Variants in KRTCAP3 observed in about 807,000 individuals in gnomAD.
KRTCAP3 encodes the protein keratinocyte associated protein 3.
Under a neutral mutation model 20.5 loss-of-function variants are expected in KRTCAP3, and 18 were observed. That is an observed-to-expected ratio of 0.88 (90% CI 0.61 to 1.31). The LOEUF is 1.31. KRTCAP3 is among the 50% of genes most tolerant of loss of function. The pLI is 0.00. For synonymous variants in KRTCAP3, 167 were observed against 133.7 expected, an observed-to-expected ratio of 1.25 and a Z score of -1.72; for missense variants, 347 against 310.4, an observed-to-expected ratio of 1.12 and a Z score of -0.89.
Position 27,443,455 on chromosome 2 carries a change from CT to C in KRTCAP3, c.539del (p.Leu180HisfsTer27). 1.9e-6 allele frequency: 3 copies of C among 1,614,144 alleles called. No homozygotes were observed. The highest frequency in any genetic ancestry group is 2.5e-6 in the Non-Finnish European group (3 of 1,180,010). On this transcript the variant is annotated frameshift_variant, in exon 5 of 7. Coordinates refer to ENST00000288873, the MANE Select transcript of KRTCAP3 (RefSeq NM_173853.4). LOFTEE classifies it high-confidence loss of function. ...GCTCATGTCTGCAGGGGAGGCTGCT[CT>C]ATCTGGTTACTGCTGTGTGGCTGCA... ...SLLMSAGEAA[L>X]SGYCCVAALT...
chr2:27,442,786 G>A (rs1481897303), intron 2 of KRTCAP3, 23 bp downstream of exon 2: 2 of 1,611,152 alleles, frequency 1.2e-6, no homozygotes, highest in Non-Finnish European at 1.7e-6. Context: ...GGCGACCCGG[G>A]CGGGGGCCGG....
downstream of KRTCAP3, among the ~76,000 whole-genome samples, chr2:27,444,849 A>G (rs554311210): frequency 2.0e-5 from 3 of 152,208 alleles, no homozygotes; most frequent in East Asian, 3.9e-4. Context: ...GGTTTTAACC[A>G]TGTTGGCCAG....
rs1477928930 is a variant in KRTCAP3, at chr2:27,444,051, G to A, written c.718G>A (p.Val240Ile). Reference protein sequence around the residue: ...QEIRASQRSWV With the variant: ...QEIRASQRSWI ...AATCCGGGCATCACAGAGAAGTTGG[G>A]TTTAGGACAGGTAATGGGCCTTGAA... The change falls in exon 6 of 7, where the codon GTT becomes ATT. Residue 240 changes from valine (V) to isoleucine (I), a missense_variant. Transcript: ENST00000288873. The A allele has an allele frequency of 6.2e-7, 1 of 1,603,692 alleles. No individual in the cohort carries two copies. The highest frequency in any genetic ancestry group is 1.7e-5 in the Admixed American group (1 of 60,000).
chr2:27,445,174 C>T (rs575981350), downstream of KRTCAP3: 10 of 1,600,778 alleles, frequency 6.2e-6, no homozygotes, highest in South Asian at 1.0e-4. The surrounding 1 kb of genome is among the most constrained non-coding windows in gnomAD (Gnocchi z 4.4). Context: ...GAGGAGCAGC[C>T]TGGGGGGTAG....
downstream of KRTCAP3, chr2:27,444,454 C>T: frequency 6.2e-7 from 1 of 1,613,124 alleles, no homozygotes; most frequent in Non-Finnish European, 8.5e-7. Context: ...AAAGCTGGTG[C>T]TGGGGAGCCC....
At chr2:27,445,368 C>T (rs373098915), downstream of KRTCAP3, 296 of 1,613,002 alleles carry the variant, frequency 1.8e-4, 1 homozygote, top group Non-Finnish European at 2.4e-4. The surrounding 1 kb of genome is among the most constrained non-coding windows in gnomAD (Gnocchi z 4.4). Context: ...GCGCCACGCT[C>T]ATCCCGAGGC....
chr2:27,444,637 AGTGT>A (rs1664865409), downstream of KRTCAP3: 17 of 769,372 alleles, frequency 2.2e-5, no homozygotes, highest in South Asian at 2.5e-4. Flanking sequence ...CCATCTTTCT[AGTGT>A]GTATGTGGGT....
intron 5 of KRTCAP3, 36 bp from the exon 6 acceptor site, chr2:27,443,913 C>T (rs1558345526): frequency 5.2e-6 from 6 of 1,151,152 alleles, no homozygotes; most frequent in Non-Finnish European, 6.6e-6. Flanking sequence ...ACCTATCATT[C>T]AGGGCGAGGG....
rs1371501920 is a variant in KRTCAP3, at chr2:27,443,239, C to A, written c.439C>A (p.Pro147Thr). The change falls in exon 4 of 7, where the codon CCG becomes ACG. Residue 147 changes from proline (P) to threonine (T), a missense_variant. Transcript: ENST00000288873. The stretch of plus-strand genomic sequence containing the variant: ...TCCTCTGGTACCACTGGATGAGGGG[C>A]CGGGACATACTGACTGCCCCTTTGA... ...LDPLVPLDEGPGHTDCPFDPT... is the reference protein window; with the variant it reads ...LDPLVPLDEGTGHTDCPFDPT... 4 of 1,614,188 alleles carry A rather than the reference C, an allele frequency of 2.5e-6. No homozygotes were observed.
At chr2:27,442,464 C>A (rs182899232) in intron 1 of KRTCAP3, 24 bp downstream of exon 1, 1 of 1,564,264 alleles carries the variant, frequency 6.4e-7, no homozygotes, top group Non-Finnish European at 8.7e-7. Context: ...CCTGGCGTCT[C>A]GTCTCCTTAC....
At chr2:27,443,863 G>A in intron 5 of KRTCAP3, 86 bp from the exon 6 acceptor site, 1 of 817,070 alleles carries the variant, frequency 1.2e-6, no homozygotes, top group Non-Finnish European at 2.1e-6. Context: ...GCAACAGAGT[G>A]AGGCTCCGTC....
chr2:27,442,742 C>T lies in KRTCAP3; in HGVS notation c.192C>T (p.Ile64=), dbSNP rs1288980228. The T allele has an allele frequency of 6.2e-7, 1 of 1,604,880 alleles. No homozygotes were observed. The highest frequency in any genetic ancestry group is 8.5e-7 in the Non-Finnish European group (1 of 1,174,226). Residue 64 remains isoleucine (I), a synonymous_variant, in exon 2 of 7, where the codon ATC becomes ATT. Coordinates refer to ENST00000288873, the MANE Select transcript of KRTCAP3 (RefSeq NM_173853.4). ...CGGAGTACACCGTAGCCAATGTCAT[C>T]TCTGTCGGCTCGGGGCTGCTGGTGA... ...VTPEYTVANV[I]SVGSGLLSVS... is the part of the protein sequence containing the mutation.
Position 27,443,151 on chromosome 2 carries a change from GTCAC to G in KRTCAP3, c.357_360del (p.Thr120TrpfsTer86). The G allele has an allele frequency of 5.6e-6, 9 of 1,614,130 alleles. No individual in the cohort carries two copies. Among genetic ancestry groups the G allele is most frequent in the Non-Finnish European group, 7.6e-6 (9 of 1,180,030 alleles). ...GCTCCCTGGGCCTCCTTCTTGCTGT[GTCAC>G]TCACTGTGGCCAACGGTGGCCGCCG... On this transcript the variant is annotated frameshift_variant, in exon 4 of 7. Transcript: ENST00000288873. LOFTEE classifies it high-confidence loss of function.
downstream of KRTCAP3, chr2:27,445,028 G>A: frequency 6.2e-7 from 1 of 1,613,894 alleles, no homozygotes; most frequent in Non-Finnish European, 8.5e-7. This position sits in a 1 kb window ranked among gnomAD's most constrained non-coding sequence, Gnocchi z 4.4. Context: ...ATGGCCATAA[G>A]GAATTTATTC....
chr2:27,442,518 G>A, intron 1 of KRTCAP3, 61 bp from the exon 2 acceptor site: 2 of 1,522,834 alleles, frequency 1.3e-6, no homozygotes, highest in South Asian at 1.3e-5. Context: ...CGGTTAACCC[G>A]CCGCGAGCCG....
rs769525669 is a variant in KRTCAP3 at position 27,442,397 on chromosome 2, TGGCGCGGCGGACG to T, written c.-13_-1del. ...GGCCCAGGTACAGCGGCCCTGCGGC[TGGCGCGGCGGACG>T]GGATGAGGCGCTGCAGTCTCTGCGC... is the stretch of plus-strand genomic sequence containing the variant. On this transcript the variant is annotated 5_prime_UTR_variant, in exon 1 of 7. Transcript: ENST00000288873. 52 of 1,550,448 alleles carry T rather than the reference TGGCGCGGCGGACG, an allele frequency of 3.4e-5. No homozygotes were observed. The African/African-American group carries it at 6.4e-4, about 19-fold the overall frequency.
rs1305833393 is a variant in KRTCAP3 at position 27,442,393 on chromosome 2, C to T, written c.-20C>T. On this transcript the variant is annotated 5_prime_UTR_variant, in exon 1 of 7. Transcript: ENST00000288873. ...GCCGGGCCCAGGTACAGCGGCCCTG[C>T]GGCTGGCGCGGCGGACGGGATGAGG... 4 of 1,548,090 alleles carry T rather than the reference C, an allele frequency of 2.6e-6. No homozygotes were observed. The highest frequency in any genetic ancestry group is 2.5e-5 in the East Asian group (1 of 40,580).
chr2:27,445,549 A>G (rs1323021498), downstream of KRTCAP3: 4 of 1,401,268 alleles, frequency 2.9e-6, no homozygotes, highest in Non-Finnish European at 3.9e-6. This position sits in a 1 kb window ranked among gnomAD's most constrained non-coding sequence, Gnocchi z 4.4. Context: ...CTCATCCTGT[A>G]TACCAGCTTT....
At position 27,442,647 on chromosome 2, in the gene KRTCAP3, C is replaced by T. The variant is rs1431931545; in HGVS notation, c.97C>T (p.Leu33=). 2 of 1,578,348 alleles carry T rather than the reference C, an allele frequency of 1.3e-6. No individual in the cohort carries two copies. The highest frequency in any genetic ancestry group is 2.2e-5 in the East Asian group (1 of 44,518). Residue 33 remains leucine (L), a synonymous_variant, in exon 2 of 7, where the codon CTG becomes TTG. Coordinates refer to ENST00000288873, the MANE Select transcript of KRTCAP3 (RefSeq NM_173853.4). ...LALILVGHVN[L]LLGAVLHGTV... ...GCTGATCTTGGTGGGCCACGTGAACCTGCTGCTGGGGGCCGTGCTGCATGG... is the reference window on the plus strand; with the variant it reads ...GCTGATCTTGGTGGGCCACGTGAACTTGCTGCTGGGGGCCGTGCTGCATGG...
Sources: allele counts gnomAD v4.1 joint callset (sites outside exome capture counted in the v4.1 genomes callset), GRCh38; gene constraint gnomAD v4.1.1; non-coding constraint Gnocchi (gnomAD v3.1); transcripts MANE v1.5; gene names NCBI Gene and HGNC (gene_info 2026-07-23, HGNC 2026-07-21).